Variants in DACH2 observed in about 807,000 individuals in gnomAD.
DACH2 encodes the protein dachshund homolog 2.
A neutral mutation model predicts 35.8 loss-of-function variants in DACH2; 17 were observed. The observed-to-expected ratio is 0.48, with a 90% CI of 0.33 to 0.71. The LOEUF is 0.71. Ranked by LOEUF, DACH2 falls within the 30% of genes least tolerant of loss-of-function variation. DACH2 has a pLI of 0.02. For synonymous variants in DACH2, 195 were observed against 177.3 expected (o/e 1.10, Z -0.79); for missense variants, 469 against 472.7 (o/e 0.99, Z 0.07).
At chrX:86,223,359 T>A (rs1325054455) in intron 1 of DACH2, among the ~76,000 whole-genome samples, 3 of 111,664 alleles carry the variant, frequency 2.7e-5, no homozygotes, top group Non-Finnish European at 5.7e-5. Flanking sequence ...AGGTTTTCTT[T>A]TATACATACA....
intron 2 of DACH2, among the ~76,000 whole-genome samples, chrX:86,397,469 A>G (rs1569377722): frequency 9.0e-6 from 1 of 111,188 alleles, no homozygotes; most frequent in African/African-American, 3.3e-5. Context: ...GTCTTGTGCC[A>G]GTTTTCAAAG....
intron 6 of DACH2, among the ~76,000 whole-genome samples, chrX:86,734,700 A>G (rs1480528250): frequency 1.8e-5 from 2 of 111,309 alleles, no homozygotes; most frequent in Non-Finnish European, 3.8e-5. Flanking sequence ...CATGCTTCCA[A>G]TAGTATTTAG....
intron 1 of DACH2, among the ~76,000 whole-genome samples, chrX:86,372,032 G>C (rs965224517): frequency 1.8e-5 from 2 of 111,259 alleles, no homozygotes; most frequent in Admixed American, 9.6e-5. Context: ...CCAAAATATG[G>C]CAGTATATGT....
chrX:86,702,792 C>T (rs1305059041), intron 5 of DACH2, among the ~76,000 whole-genome samples: 6 of 111,185 alleles, frequency 5.4e-5, no homozygotes, highest in African/African-American at 9.8e-5. Context: ...TAAAAATTGC[C>T]AGTCAAACAA....
chrX:86,761,852 C>T (rs2041885810), intron 7 of DACH2, among the ~76,000 whole-genome samples: 1 of 100,438 alleles, frequency 1.0e-5, no homozygotes, highest in Non-Finnish European at 2.0e-5. Context: ...GTGGCATACA[C>T]TGGCACCATG....
At chrX:86,427,969 CT>C (rs2036921305) in intron 2 of DACH2, among the ~76,000 whole-genome samples, 1 of 111,449 alleles carries the variant, frequency 9.0e-6, no homozygotes, top group African/African-American at 3.2e-5. Context: ...ACCTTGAACA[CT>C]TTTTTGGTTG....
chrX:86,219,600 G>A (rs984139200), intron 1 of DACH2, among the ~76,000 whole-genome samples: 10 of 111,215 alleles, frequency 9.0e-5, no homozygotes, highest in African/African-American at 2.9e-4. Context: ...TATATATAAC[G>A]TAATAAATCT....
intron 1 of DACH2, among the ~76,000 whole-genome samples, chrX:86,241,605 G>A (rs192222872): frequency 6.2e-5 from 7 of 112,316 alleles, no homozygotes; most frequent in Admixed American, 2.8e-4. Flanking sequence ...AAATTCAAGC[G>A]GGCTGCAGAA....
intron 1 of DACH2, among the ~76,000 whole-genome samples, chrX:86,371,027 G>A (rs1415937950): frequency 9.0e-6 from 1 of 111,001 alleles, no homozygotes; most frequent in Non-Finnish European, 1.9e-5. Flanking sequence ...GATATTCTTT[G>A]TTTTTGTAGG....
chrX:86,462,724 T>C (rs1186746159), intron 2 of DACH2, among the ~76,000 whole-genome samples: 1 of 111,577 alleles, frequency 9.0e-6, no homozygotes, highest in Non-Finnish European at 1.9e-5. Context: ...CCATGACTAA[T>C]TGGAAAACAA....
chrX:86,442,117 T>A, intron 2 of DACH2, among the ~76,000 whole-genome samples: 1 of 110,123 alleles, frequency 9.1e-6, no homozygotes, highest in Non-Finnish European at 1.9e-5. Context: ...ATCCTTCTGC[T>A]TCAGCTTCCC....
chrX:86,159,695 A>T (rs183321691), intron 1 of DACH2, among the ~76,000 whole-genome samples: 264 of 111,899 alleles, frequency 2.4e-3, no homozygotes, highest in African/African-American at 8.4e-3. Context: ...AGAACTTGCC[A>T]CATTCTTATT....
At chrX:86,274,799 A>C (rs1467243769) in intron 1 of DACH2, among the ~76,000 whole-genome samples, 3 of 111,323 alleles carry the variant, frequency 2.7e-5, no homozygotes, top group Non-Finnish European at 5.6e-5. Context: ...CGCCCTGCCA[A>C]CATTAAATTC....
rs762139099 is a variant in DACH2 at position 86,814,844 on chromosome X, G to A, written c.1684+10G>A. 2.5e-6 allele frequency: 3 copies of A among 1,192,219 alleles called. No individual in the cohort carries two copies. The highest frequency in any genetic ancestry group is 2.3e-6 in the Non-Finnish European group (2 of 885,610). On this transcript the variant is annotated intron_variant, in intron 10 of 11. Coordinates refer to ENST00000373125, the MANE Select transcript of DACH2 (RefSeq NM_053281.3). ...CTGAGGATGTTAAAAGGTAATGTCTGATTTGGATTTTCACACTCAAGGTAA... is the reference window on the plus strand; with the variant it reads ...CTGAGGATGTTAAAAGGTAATGTCTAATTTGGATTTTCACACTCAAGGTAA...
intron 3 of DACH2, among the ~76,000 whole-genome samples, chrX:86,586,376 C>T (rs1369051414): frequency 7.2e-5 from 8 of 110,938 alleles, no homozygotes; most frequent in East Asian, 2.8e-4. Flanking sequence ...CTGTTTACTC[C>T]GTTGGTAGTT....
chrX:86,246,867 A>C (rs946927576), intron 1 of DACH2, among the ~76,000 whole-genome samples: 3 of 111,800 alleles, frequency 2.7e-5, no homozygotes, highest in African/African-American at 9.7e-5. Context: ...CACCCTACTT[A>C]AAAGGCTTAG....
intron 1 of DACH2, among the ~76,000 whole-genome samples, chrX:86,305,261 A>G (rs1465677274): frequency 5.4e-5 from 6 of 111,960 alleles, no homozygotes; most frequent in Non-Finnish European, 7.5e-5. Context: ...TCATGGGTGT[A>G]TGTACTATGC....
chrX:86,644,096 T>C (rs2040383454), intron 3 of DACH2, among the ~76,000 whole-genome samples: 1 of 110,726 alleles, frequency 9.0e-6, no homozygotes, highest in Non-Finnish European at 1.9e-5. Flanking sequence ...TTCAACATAG[T>C]ATTGGAAGTC....
chrX:86,509,234 T>C (rs927376422), intron 2 of DACH2, among the ~76,000 whole-genome samples: 6 of 111,593 alleles, frequency 5.4e-5, no homozygotes, highest in African/African-American at 2.0e-4. Context: ...TGATCTTCTC[T>C]CTGGTGTGTT....
Sources: allele counts gnomAD v4.1 joint callset (sites outside exome capture counted in the v4.1 genomes callset), GRCh38; gene constraint gnomAD v4.1.1; transcripts MANE v1.5; gene names NCBI Gene and HGNC (gene_info 2026-07-23, HGNC 2026-07-21).